Variants in PAX5 observed in about 807,000 individuals in gnomAD.
The protein encoded by PAX5 is paired box protein Pax-5.
PAX5 carries 9 observed loss-of-function variants against 43.7 expected under a neutral mutation model. The ratio of observed to expected loss-of-function variants is 0.21; its 90% confidence interval spans 0.12 to 0.36. The LOEUF is 0.36. Among genes scored for constraint, PAX5 ranks in the 10% least tolerant of loss-of-function variants. The pLI, the probability that PAX5 is intolerant of heterozygous loss-of-function variation, is 1.00. For synonymous variants in PAX5, 228 were observed against 214.3 expected, an observed-to-expected ratio of 1.06 and a Z score of -0.56; for missense variants, 383 against 532.7, an observed-to-expected ratio of 0.72 and a Z score of 2.77.
intron 6 of PAX5, 56 bp downstream of exon 6, chr9:36,966,493 C>A: frequency 6.3e-7 from 1 of 1,577,868 alleles, no homozygotes; most frequent in South Asian, 1.2e-5. Context: ...CTTCAGGAAC[C>A]TGGCTGGGCC....
At chr9:37,026,452 C>A in intron 1 of PAX5, 1 of 1,179,016 alleles carries the variant, frequency 8.5e-7, no homozygotes, top group Non-Finnish European at 1.1e-6. Context: ...TCCTTCCGGC[C>A]TTAGTACCTG....
At chr9:36,925,230 C>G (rs1055454418) in intron 6 of PAX5, among the ~76,000 whole-genome samples, 3 of 152,148 alleles carry the variant, frequency 2.0e-5, no homozygotes, top group Admixed American at 6.5e-5. Flanking sequence ...GGCCCAGGCT[C>G]TAGATGATTC....
chr9:37,004,638 A>G (rs1006573124), intron 4 of PAX5, among the ~76,000 whole-genome samples: 14 of 152,232 alleles, frequency 9.2e-5, no homozygotes, highest in Non-Finnish European at 1.8e-4. Flanking sequence ...CTTCACCAGA[A>G]GAAGCTCCTT....
intron 7 of PAX5, among the ~76,000 whole-genome samples, chr9:36,892,881 C>G (rs1248289073): frequency 6.6e-6 from 1 of 152,132 alleles, no homozygotes; most frequent in Admixed American, 6.5e-5. Context: ...ACACTGTGTA[C>G]AGTATAATTC....
At chr9:36,909,058 C>A (rs767529650) in intron 7 of PAX5, among the ~76,000 whole-genome samples, 6 of 152,116 alleles carry the variant, frequency 3.9e-5, no homozygotes, top group Admixed American at 3.9e-4. Flanking sequence ...TTAAAATGAT[C>A]GGACCTCTGG....
intron 6 of PAX5, among the ~76,000 whole-genome samples, chr9:36,928,716 T>A (rs962593859): frequency 2.6e-5 from 4 of 152,148 alleles, no homozygotes; most frequent in Non-Finnish European, 4.4e-5. Flanking sequence ...GAAAGCCACA[T>A]CCCTATCCAA....
chr9:36,883,579 G>A (rs1002702158), intron 7 of PAX5, among the ~76,000 whole-genome samples: 1 of 152,138 alleles, frequency 6.6e-6, no homozygotes, highest in African/African-American at 2.4e-5. Flanking sequence ...GCTGAGGCAG[G>A]AGAATCGCTT....
At chr9:36,841,362 T>C (rs1291243888) in intron 9 of PAX5, among the ~76,000 whole-genome samples, 1 of 152,368 alleles carries the variant, frequency 6.6e-6, no homozygotes, top group Admixed American at 6.5e-5. Flanking sequence ...CTCCTGCCTC[T>C]GTGCCTTTCC....
At chr9:36,883,094 G>T (rs1327666303) in intron 7 of PAX5, among the ~76,000 whole-genome samples, 1 of 152,168 alleles carries the variant, frequency 6.6e-6, no homozygotes, top group Non-Finnish European at 1.5e-5. Flanking sequence ...AGAGGATCGT[G>T]AGAGGGGAGG....
At chr9:36,982,319 T>C (rs1836007761) in intron 5 of PAX5, among the ~76,000 whole-genome samples, 1 of 151,916 alleles carries the variant, frequency 6.6e-6, no homozygotes, top group Admixed American at 6.6e-5. Context: ...ACAAGATGTG[T>C]ACAAAGAGGG....
At chr9:36,986,802 A>G (rs1482622019) in intron 5 of PAX5, among the ~76,000 whole-genome samples, 1 of 151,870 alleles carries the variant, frequency 6.6e-6, no homozygotes, top group Non-Finnish European at 1.5e-5. Context: ...GGATCCCTGG[A>G]CCTCCTTCAA....
chr9:36,859,486 C>T (rs1428245187), intron 8 of PAX5, among the ~76,000 whole-genome samples: 1 of 152,162 alleles, frequency 6.6e-6, no homozygotes, highest in Admixed American at 6.6e-5. Context: ...CTGCCAGCCT[C>T]AGGGTCTCAG....
intron 1 of PAX5, among the ~76,000 whole-genome samples, chr9:37,024,959 G>A (rs138417159): frequency 2.3e-3 from 350 of 152,364 alleles, no homozygotes; most frequent in Middle Eastern, 0.01. Context: ...CCTTGGCTGA[G>A]CCAAGGGCTT....
intron 4 of PAX5, among the ~76,000 whole-genome samples, chr9:37,003,697 T>C (rs151122837): frequency 0.01 from 1,575 of 152,028 alleles, 24 homozygotes; most frequent in African/African-American, 0.032. Context: ...ATTAGCCAGG[T>C]GTGGTGGCAC....
At chr9:36,914,143 C>G (rs894339071) in intron 7 of PAX5, among the ~76,000 whole-genome samples, 1 of 152,234 alleles carries the variant, frequency 6.6e-6, no homozygotes, top group South Asian at 2.1e-4. Flanking sequence ...AAGACTTTTT[C>G]TCCATTCTTC....
intron 6 of PAX5, among the ~76,000 whole-genome samples, chr9:36,935,957 G>A (rs753307681): frequency 2.0e-5 from 3 of 152,214 alleles, no homozygotes; most frequent in South Asian, 2.1e-4. Flanking sequence ...ACATGCTGTC[G>A]GACTGGGGCG....
chr9:37,021,961 T>C (rs1165262004), intron 1 of PAX5, among the ~76,000 whole-genome samples: 1 of 152,136 alleles, frequency 6.6e-6, no homozygotes, highest in Non-Finnish European at 1.5e-5. Flanking sequence ...CTCACACACA[T>C]ATATACTCAA....
chr9:36,957,310 G>A (rs2132139243), intron 6 of PAX5, among the ~76,000 whole-genome samples: 1 of 152,328 alleles, frequency 6.6e-6, no homozygotes, highest in Non-Finnish European at 1.5e-5. Context: ...CGTGCCAGAA[G>A]CTTCACTTTA....
chr9:36,923,011 G>A lies in PAX5; in HGVS notation c.910+344C>T, dbSNP rs181039678. On this transcript the variant is annotated intron_variant, in intron 7 of 9. Transcript: ENST00000358127. Reference sequence around the variant, plus strand: ...CTCCTTGAGGTTGGTGCCCACCAGGGTGGCCTTTCTCATGAAAGAAATAAA... The same window carrying A: ...CTCCTTGAGGTTGGTGCCCACCAGGATGGCCTTTCTCATGAAAGAAATAAA... 8.5e-4 allele frequency: 202 copies of A among 238,450 alleles called. 1 individual carries two copies. The highest frequency in any genetic ancestry group is 1.3e-3 in the Non-Finnish European group (166 of 123,066). 14.8% of individuals were successfully genotyped at this position (238,450 alleles called of 1,614,324 possible).
Sources: allele counts gnomAD v4.1 joint callset (sites outside exome capture counted in the v4.1 genomes callset), GRCh38; gene constraint gnomAD v4.1.1; transcripts MANE v1.5; gene names NCBI Gene and HGNC (gene_info 2026-07-23, HGNC 2026-07-21).